Variants in MED16 observed in about 807,000 individuals in gnomAD.
MED16 encodes the protein mediator of RNA polymerase II transcription subunit 16.
MED16 carries 81 observed loss-of-function variants against 84.4 expected under a neutral mutation model. The observed-to-expected ratio is 0.96, with a 90% CI of 0.80 to 1.15. The LOEUF (loss-of-function observed/expected upper bound fraction) is 1.15. Ranked by LOEUF, MED16 falls within the 50% of genes most tolerant of loss-of-function variation. MED16 has a pLI of 0.00. For missense variants in MED16, 1,585 were observed against 1,245.9 expected (o/e 1.27, Z -4.10); for synonymous variants, 897 against 552.2 (o/e 1.62, Z -8.76).
chr19:873,404 G>A (rs778312840), intron 11 of MED16, 45 bp downstream of exon 11: 5 of 1,585,206 alleles, frequency 3.2e-6, no homozygotes, highest in African/African-American at 2.7e-5. Flanking sequence ...TGATGAGATG[G>A]GGGCCCAGGT....
chr19:880,562 G>C (rs116797995), intron 7 of MED16, among the ~76,000 whole-genome samples: 1 of 152,184 alleles, frequency 6.6e-6, no homozygotes, highest in East Asian at 1.9e-4. Flanking sequence ...CGAGGGCCGG[G>C]GGGAGGTGGG....
At chr19:885,056 C>T (rs1262066932) in intron 5 of MED16, 48 bp from the exon 6 acceptor site, 1 of 1,429,416 alleles carries the variant, frequency 7.0e-7, no homozygotes, top group African/African-American at 1.4e-5. Context: ...GCTGTGGTGG[C>T]CACGCCACCA....
At chr19:869,007 G>A (rs529852534) in intron 13 of MED16, 61 bp from the exon 14 acceptor site, 5 of 1,431,148 alleles carry the variant, frequency 3.5e-6, no homozygotes, top group African/African-American at 1.4e-5. Flanking sequence ...GTTCCGGCAG[G>A]GGCATCTGTC....
rs375553045 is a variant in MED16, at chr19:879,966, C to A, written c.1324G>T (p.Ala442Ser). 1.1e-5 allele frequency: 17 copies of A among 1,606,498 alleles called. No homozygotes were observed. The African/African-American group carries it at 2.1e-4, about 20-fold the overall frequency. ...KAMQLSWTSL[A>S]LVGIDSHGKL... is the part of the protein sequence containing the mutation. ...CCGTGGCTGTCAATCCCCACCAGGG[C>A]CAGTGACGTCCACGATAGCTGCATA... The change falls in exon 8 of 16, where the codon GCC becomes TCC. Residue 442 changes from alanine to serine, a missense_variant. Transcript: ENST00000325464.
intron 15 of MED16, 45 bp downstream of exon 15, chr19:868,371 G>A (rs1555713398): frequency 3.1e-6 from 5 of 1,602,426 alleles, no homozygotes; most frequent in Middle Eastern, 1.7e-4. Flanking sequence ...GGGCAGCTGG[G>A]CTCAGGGGTA....
At chr19:890,055 C>G (rs1328915102) in intron 3 of MED16, 82 bp downstream of exon 3, 9 of 1,144,490 alleles carry the variant, frequency 7.9e-6, no homozygotes, top group East Asian at 7.7e-5. Context: ...GCGCCGGACT[C>G]CAGACTGACC....
At chr19:885,496 G>C (rs997294784) in intron 5 of MED16, among the ~76,000 whole-genome samples, 2 of 152,098 alleles carry the variant, frequency 1.3e-5, no homozygotes, top group African/African-American at 2.4e-5. Flanking sequence ...GGGTCCTCAG[G>C]AGAGAATGTG....
At chr19:888,870 T>G (rs1203645807) in intron 4 of MED16, among the ~76,000 whole-genome samples, 1 of 152,132 alleles carries the variant, frequency 6.6e-6, no homozygotes, top group Non-Finnish European at 1.5e-5. Flanking sequence ...GGCCTCCTAG[T>G]TCCTGCGAGA....
chr19:885,666 G>A (rs770164507), intron 5 of MED16, 104 bp downstream of exon 5: 119 of 1,357,212 alleles, frequency 8.8e-5, no homozygotes, highest in Non-Finnish European at 1.1e-4. Context: ...CCCACACCAC[G>A]GTTTAGCCCG....
At chr19:868,721 G>A (rs1331678342) in intron 14 of MED16, 142 bp downstream of exon 14, 3 of 1,088,786 alleles carry the variant, frequency 2.8e-6, no homozygotes, top group East Asian at 2.6e-5. Context: ...TCCACATCCT[G>A]GGATCCTGGC....
At position 868,021 on chromosome 19, in the gene MED16, G is replaced by C; in HGVS notation, c.*80C>G. The C allele has an allele frequency of 2.7e-6, 4 of 1,501,312 alleles. No individual in the cohort carries two copies. Among genetic ancestry groups the C allele is most frequent in the South Asian group, 2.6e-5 (2 of 76,418 alleles). 93.0% of individuals were successfully genotyped at this position (1,501,312 alleles called of 1,614,324 possible). On this transcript the variant is annotated 3_prime_UTR_variant, in exon 16 of 16. Transcript: ENST00000325464. ...CCCAGCCGCTGCTTGTCCAGGTTCA[G>C]CGCTCTCCGCGGGTGAGGCAAGGAA...
At chr19:890,519 G>T (rs1414734881) in intron 2 of MED16, 1 of 396,208 alleles carries the variant, frequency 2.5e-6, no homozygotes, top group Non-Finnish European at 4.5e-6. Flanking sequence ...GATAATAGGT[G>T]GCTTTTTTGC....
chr19:868,594 C>T (rs1020082269), intron 14 of MED16, 95 bp from the exon 15 acceptor site: 15 of 1,503,930 alleles, frequency 1.0e-5, no homozygotes, highest in South Asian at 7.1e-5. Context: ...TCCCTCTGCT[C>T]GCCGTCCCTC....
intron 7 of MED16, among the ~76,000 whole-genome samples, chr19:880,631 G>A (rs1292879458): frequency 2.0e-5 from 3 of 152,338 alleles, no homozygotes; most frequent in East Asian, 1.9e-4. Flanking sequence ...CAGTAGAGAG[G>A]CTGCAAAGCC....
chr19:870,945 G>A (rs1379626924), intron 13 of MED16, 92 bp downstream of exon 13: 4 of 1,301,376 alleles, frequency 3.1e-6, no homozygotes, highest in African/African-American at 3.0e-5. Context: ...GGCAGGACAT[G>A]CAGGGAGGGA....
intron 1 of MED16, among the ~76,000 whole-genome samples, chr19:891,958 G>A (rs1394050934): frequency 7.2e-6 from 1 of 138,360 alleles, no homozygotes; most frequent in African/African-American, 2.8e-5. Context: ...CGAGCCGGGG[G>A]CTGAGTGTGA....
At chr19:871,009 T>C in intron 13 of MED16, 28 bp downstream of exon 13, 1 of 1,522,364 alleles carries the variant, frequency 6.6e-7, no homozygotes, top group Non-Finnish European at 8.9e-7. Context: ...AGTCCTGTGT[T>C]TGGGGACCAA....
intron 8 of MED16, among the ~76,000 whole-genome samples, chr19:878,688 C>A (rs1158777518): frequency 7.1e-4 from 70 of 98,292 alleles, no homozygotes; most frequent in African/African-American, 2.6e-3. Context: ...ACAGCCCCAA[C>A]CCCACGTGCC....
chr19:877,644 A>G (rs1280464966), intron 8 of MED16, among the ~76,000 whole-genome samples: 1 of 85,090 alleles, frequency 1.2e-5, no homozygotes, highest in Non-Finnish European at 2.5e-5. Flanking sequence ...GCACCCTCCC[A>G]GCCCCAGCCC....
Sources: allele counts gnomAD v4.1 joint callset (sites outside exome capture counted in the v4.1 genomes callset), GRCh38; gene constraint gnomAD v4.1.1; transcripts MANE v1.5; gene names NCBI Gene and HGNC (gene_info 2026-07-23, HGNC 2026-07-21).